SLC9A9: variants seen among roughly 807,000 people sequenced by gnomAD.
SLC9A9 encodes the protein sodium/hydrogen exchanger 9.
SLC9A9 carries 62 observed loss-of-function variants against 77.8 expected under a neutral mutation model. The ratio of observed to expected loss-of-function variants is 0.80; its 90% CI spans 0.65 to 0.98. The LOEUF is 0.98. Ranked by LOEUF, SLC9A9 falls within the 50% of genes least tolerant of loss-of-function variation. The pLI is 0.00. For synonymous variants in SLC9A9, 320 were observed against 283.5 expected, an observed-to-expected ratio of 1.13 and a Z score of -1.29; for missense variants, 775 against 774.9, an observed-to-expected ratio of 1.00 and a Z score of 0.00.
At chr3:143,783,345 T>G (rs12488854) in intron 4 of SLC9A9, among the ~76,000 whole-genome samples, 85,134 of 151,774 alleles carry the variant, frequency 0.56, 26,639 homozygotes, top group African/African-American at 0.84. Flanking sequence ...GCCCTCCCCC[T>G]TGCCTTCCCT....
chr3:143,491,004 T>C (rs1032212793), intron 11 of SLC9A9, among the ~76,000 whole-genome samples: 1 of 152,084 alleles, frequency 6.6e-6, no homozygotes, highest in Non-Finnish European at 1.5e-5. Context: ...CATTTCAATG[T>C]GAAAAGTGTA....
chr3:143,324,149 T>C (rs1351823564), intron 14 of SLC9A9, among the ~76,000 whole-genome samples: 1 of 152,126 alleles, frequency 6.6e-6, no homozygotes, highest in East Asian at 1.9e-4. Flanking sequence ...ACCTGCTCTA[T>C]TGGGAGGGGG....
At chr3:143,695,655 G>A (rs1405250124) in intron 4 of SLC9A9, among the ~76,000 whole-genome samples, 1 of 152,172 alleles carries the variant, frequency 6.6e-6, no homozygotes, top group Non-Finnish European at 1.5e-5. Flanking sequence ...ATGTATGCAT[G>A]TGTCTTTATA....
At chr3:143,643,711 C>A (rs987893150) in intron 6 of SLC9A9, among the ~76,000 whole-genome samples, 6 of 152,134 alleles carry the variant, frequency 3.9e-5, no homozygotes, top group Non-Finnish European at 7.4e-5. Flanking sequence ...TCATTTTAAT[C>A]CACCATGTTC....
chr3:143,431,514 G>T (rs148712440), intron 12 of SLC9A9, among the ~76,000 whole-genome samples: 1 of 139,504 alleles, frequency 7.2e-6, no homozygotes, highest in African/African-American at 2.7e-5. Context: ...ATGGAGTCTC[G>T]CTCTGTCACC....
At chr3:143,628,918 A>G (rs1245725120) in intron 6 of SLC9A9, among the ~76,000 whole-genome samples, 3 of 152,212 alleles carry the variant, frequency 2.0e-5, no homozygotes, top group African/African-American at 7.2e-5. Flanking sequence ...ATTGAGCAAA[A>G]ATAATAATAA....
chr3:143,690,553 A>G (rs1347507115), intron 5 of SLC9A9, among the ~76,000 whole-genome samples: 1 of 152,174 alleles, frequency 6.6e-6, no homozygotes, highest in African/African-American at 2.4e-5. Context: ...AAACCTATCA[A>G]AAACTGTTGT....
chr3:143,545,490 C>T (rs1195699436), intron 9 of SLC9A9, among the ~76,000 whole-genome samples: 1 of 152,224 alleles, frequency 6.6e-6, no homozygotes, highest in African/African-American at 2.4e-5. Context: ...GTCTCCCTGG[C>T]TTCCAGCATG....
chr3:143,786,347 C>T (rs1219083296), intron 4 of SLC9A9, among the ~76,000 whole-genome samples: 1 of 152,016 alleles, frequency 6.6e-6, no homozygotes, highest in Admixed American at 6.6e-5. Flanking sequence ...TCAACATTTC[C>T]TAATTTGGAG....
intron 4 of SLC9A9, among the ~76,000 whole-genome samples, chr3:143,745,912 G>T (rs1345812444): frequency 6.6e-6 from 1 of 152,224 alleles, no homozygotes; most frequent in African/African-American, 2.4e-5. Context: ...CTACAAGGGG[G>T]ATACTGGAGC....
At chr3:143,764,769 G>T (rs937770334) in intron 4 of SLC9A9, among the ~76,000 whole-genome samples, 1 of 151,866 alleles carries the variant, frequency 6.6e-6, no homozygotes, top group Non-Finnish European at 1.5e-5. Flanking sequence ...TAAAGATCGG[G>T]TCTCACTATG....
intron 4 of SLC9A9, among the ~76,000 whole-genome samples, chr3:143,766,962 T>G (rs760062345): frequency 6.6e-6 from 1 of 152,160 alleles, no homozygotes; most frequent in Non-Finnish European, 1.5e-5. Context: ...AATTTATTCT[T>G]AAAAAGTATG....
At chr3:143,565,589 G>A (rs1159712798) in intron 8 of SLC9A9, among the ~76,000 whole-genome samples, 1 of 152,140 alleles carries the variant, frequency 6.6e-6, no homozygotes, top group East Asian at 1.9e-4. Flanking sequence ...TTACACCTGT[G>A]TTTATTGAGA....
intron 4 of SLC9A9, among the ~76,000 whole-genome samples, chr3:143,739,693 A>G (rs925256061): frequency 6.6e-6 from 1 of 152,200 alleles, no homozygotes; most frequent in African/African-American, 2.4e-5. Flanking sequence ...GATATTTTCT[A>G]TAATAACATA....
chr3:143,325,867 CTTGTGCATT>C (rs1308638202), intron 14 of SLC9A9, among the ~76,000 whole-genome samples: 1 of 152,190 alleles, frequency 6.6e-6, no homozygotes, highest in Non-Finnish European at 1.5e-5. Flanking sequence ...TCAGACATCA[CTTGTGCATT>C]TTCTGGAATG....
intron 14 of SLC9A9, among the ~76,000 whole-genome samples, chr3:143,321,531 T>C (rs933926547): frequency 3.3e-5 from 5 of 152,246 alleles, no homozygotes; most frequent in Non-Finnish European, 7.3e-5. Context: ...CTTCATTGGC[T>C]GCCTTTCATT....
chr3:143,820,020 C>T (rs996181090), intron 2 of SLC9A9, among the ~76,000 whole-genome samples: 4 of 152,174 alleles, frequency 2.6e-5, no homozygotes, highest in Non-Finnish European at 5.9e-5. Context: ...TTGATAACAA[C>T]AATAGCAAGT....
chr3:143,606,525 G>A (rs1023538290), intron 6 of SLC9A9, among the ~76,000 whole-genome samples: 2 of 147,440 alleles, frequency 1.4e-5, no homozygotes, highest in Admixed American at 6.8e-5. Flanking sequence ...AGAGCTAGTA[G>A]TGTAAAAAGA....
chr3:143,594,541 T>C (rs1041442740), intron 6 of SLC9A9, among the ~76,000 whole-genome samples: 1 of 152,164 alleles, frequency 6.6e-6, no homozygotes, highest in African/African-American at 2.4e-5. Context: ...AGAATCCTGG[T>C]TGATCTGGTT....
Sources: gnomAD v4.1 joint callset for allele counts (sites outside exome capture counted in the v4.1 genomes callset) on GRCh38, gnomAD v4.1.1 for gene constraint, MANE v1.5 for transcripts, NCBI Gene and HGNC (gene_info 2026-07-23, HGNC 2026-07-21) for gene names.